MACROD2: variants seen among roughly 807,000 people sequenced by gnomAD.
MACROD2 encodes the protein mono-ADP ribosylhydrolase 2.
A neutral mutation model predicts 70.4 loss-of-function variants in MACROD2; 36 were observed. That is an observed-to-expected ratio of 0.51 (90% confidence interval 0.39 to 0.68). The LOEUF is 0.68. MACROD2 is among the 30% of genes least tolerant of loss of function. The pLI is 0.00. For synonymous variants in MACROD2, 172 were observed against 178.8 expected, an observed-to-expected ratio of 0.96 and a Z score of 0.30; for missense variants, 496 against 538.4, an observed-to-expected ratio of 0.92 and a Z score of 0.78.
intron 1 of MACROD2, among the ~76,000 whole-genome samples, chr20:13,996,689 T>C (rs2052662678): frequency 1.3e-5 from 2 of 152,136 alleles, no homozygotes; most frequent in Admixed American, 6.5e-5. Flanking sequence ...CACAGTTTGG[T>C]AATATTCTAA....
At chr20:14,988,185 G>A (rs966188695) in intron 5 of MACROD2, among the ~76,000 whole-genome samples, 9 of 151,986 alleles carry the variant, frequency 5.9e-5, no homozygotes, top group Non-Finnish European at 1.0e-4. Flanking sequence ...GCAACATGGC[G>A]AAATCCCGTC....
At chr20:14,761,567 T>C (rs1348760746) in intron 5 of MACROD2, among the ~76,000 whole-genome samples, 6 of 152,168 alleles carry the variant, frequency 3.9e-5, no homozygotes, top group Admixed American at 2.6e-4. Context: ...AAGATCCTTA[T>C]TATGAAATAG....
intron 3 of MACROD2, among the ~76,000 whole-genome samples, chr20:14,113,973 A>G (rs2054484736): frequency 6.6e-6 from 1 of 152,142 alleles, no homozygotes; most frequent in African/African-American, 2.4e-5. Context: ...AATAACTACT[A>G]TAATAGATAA....
intron 2 of MACROD2, among the ~76,000 whole-genome samples, chr20:14,083,809 G>T (rs1025332663): frequency 1.3e-5 from 2 of 151,806 alleles, no homozygotes; most frequent in South Asian, 4.2e-4. Context: ...GCCCAGGCGC[G>T]GTGGCTCACG....
chr20:14,559,388 A>G (rs187989428), intron 4 of MACROD2, among the ~76,000 whole-genome samples: 1 of 151,914 alleles, frequency 6.6e-6, no homozygotes, highest in Admixed American at 6.6e-5. Flanking sequence ...TTAATACCTT[A>G]TACATTTTAA....
At chr20:14,379,834 C>T (rs1415520089) in intron 3 of MACROD2, among the ~76,000 whole-genome samples, 1 of 151,918 alleles carries the variant, frequency 6.6e-6, no homozygotes, top group South Asian at 2.1e-4. Context: ...TATTTATAGG[C>T]CATATTTTGT....
At chr20:15,820,335 A>G (rs990154946) in intron 8 of MACROD2, among the ~76,000 whole-genome samples, 4 of 151,988 alleles carry the variant, frequency 2.6e-5, no homozygotes, top group Non-Finnish European at 5.9e-5. Context: ...GGACTACAGG[A>G]GCACACCACC....
intron 5 of MACROD2, among the ~76,000 whole-genome samples, chr20:14,717,335 CTG>C (rs1279428940): frequency 5.3e-5 from 8 of 152,090 alleles, no homozygotes; most frequent in Non-Finnish European, 1.0e-4. Context: ...TCAGAGGACA[CTG>C]TGTGTGTGTT....
At chr20:15,411,180 A>ACACACACACACACACAC (rs1555815604) in intron 6 of MACROD2, among the ~76,000 whole-genome samples, 1 of 149,250 alleles carries the variant, frequency 6.7e-6, no homozygotes, top group African/African-American at 2.6e-5. Context: ...ACACACACAC[A>ACACACACACACACACAC]AAGCTGAGAG....
chr20:14,927,649 C>T (rs752137184), intron 5 of MACROD2, among the ~76,000 whole-genome samples: 7 of 152,086 alleles, frequency 4.6e-5, no homozygotes, highest in Non-Finnish European at 7.4e-5. Context: ...GTAGTTTTAG[C>T]TTTTTGTCTT....
At chr20:14,412,043 C>T (rs2083755455) in intron 3 of MACROD2, among the ~76,000 whole-genome samples, 1 of 152,112 alleles carries the variant, frequency 6.6e-6, no homozygotes, top group African/African-American at 2.4e-5. Flanking sequence ...GTATTTTTTC[C>T]CCAAAACAAA....
intron 8 of MACROD2, among the ~76,000 whole-genome samples, chr20:15,640,274 G>A (rs1021809785): frequency 2.0e-5 from 3 of 151,986 alleles, no homozygotes; most frequent in Non-Finnish European, 4.4e-5. Flanking sequence ...GAGACAGTGA[G>A]GGGGAAATAA....
intron 8 of MACROD2, among the ~76,000 whole-genome samples, chr20:15,522,108 G>C (rs2047661077): frequency 6.6e-6 from 1 of 152,158 alleles, no homozygotes; most frequent in African/African-American, 2.4e-5. Context: ...TGCAGGGTCA[G>C]GACTAGGGTG....
rs1286008050 is a variant in MACROD2, at chr20:15,825,808, T to C, written c.646-36937T>C. On this transcript the variant is annotated intron_variant, in intron 8 of 17. Transcript: ENST00000684519. The stretch of plus-strand genomic sequence containing the variant: ...TTGGTGTTGGAATATCCTTTCTTTT[T>C]GGCATGATGGCTAGAGAAGATATCA... Among the ~76,000 whole-genome samples the C allele has an allele frequency of 2.0e-5, 3 of 152,208 alleles. 1 individual carries two copies. The highest frequency in any genetic ancestry group is 4.4e-5 in the Non-Finnish European group (3 of 68,026).
intron 8 of MACROD2, among the ~76,000 whole-genome samples, chr20:15,800,885 T>C (rs2063718337): frequency 6.6e-6 from 1 of 151,824 alleles, no homozygotes; most frequent in East Asian, 1.9e-4. Flanking sequence ...ATCTGTGACC[T>C]TACCCCCAAC....
At chr20:14,243,332 T>C (rs2122241447) in intron 3 of MACROD2, among the ~76,000 whole-genome samples, 1 of 152,350 alleles carries the variant, frequency 6.6e-6, no homozygotes, top group Non-Finnish European at 1.5e-5. Context: ...CCTTTTTAGC[T>C]GACCATTTGA....
At chr20:15,663,382 GCAC>G (rs1191797083) in intron 8 of MACROD2, among the ~76,000 whole-genome samples, 1 of 151,752 alleles carries the variant, frequency 6.6e-6, no homozygotes, top group Non-Finnish European at 1.5e-5. Context: ...CTACAGGCAT[GCAC>G]CACCATGCTT....
At chr20:14,088,157 C>T (rs1206517369) in intron 3 of MACROD2, among the ~76,000 whole-genome samples, 2 of 151,738 alleles carry the variant, frequency 1.3e-5, no homozygotes, top group Admixed American at 6.6e-5. Flanking sequence ...GGTGAAACCC[C>T]GTCTCTACCA....
At chr20:14,422,983 C>A (rs2083892028) in intron 3 of MACROD2, among the ~76,000 whole-genome samples, 1 of 152,148 alleles carries the variant, frequency 6.6e-6, no homozygotes, top group Admixed American at 6.5e-5. Context: ...TTTTATCAGC[C>A]CCGCCCACAC....
Sources: allele counts gnomAD v4.1 joint callset (sites outside exome capture counted in the v4.1 genomes callset), GRCh38; gene constraint gnomAD v4.1.1; transcripts MANE v1.5; gene names NCBI Gene and HGNC (gene_info 2026-07-23, HGNC 2026-07-21).